TRERF1: variants seen among roughly 807,000 people sequenced by gnomAD.
The protein encoded by TRERF1 is transcriptional-regulating factor 1.
In TRERF1, 27 loss-of-function variants were observed where a neutral mutation model predicts 122.9. That is an observed-to-expected ratio of 0.22 (90% CI 0.16 to 0.30). The LOEUF (loss-of-function observed/expected upper bound fraction) is 0.30, where lower values mean the gene tolerates loss of function less well. TRERF1 is among the 10% of genes least tolerant of loss of function. TRERF1 has a pLI of 1.00. For missense variants in TRERF1, 1,248 were observed against 1,560.3 expected (o/e 0.80, Z 3.37); for synonymous variants, 636 against 641.7 (o/e 0.99, Z 0.13).
intron 2 of TRERF1, among the ~76,000 whole-genome samples, chr6:42,406,471 C>T (rs907762022): frequency 6.6e-6 from 1 of 152,178 alleles, no homozygotes; most frequent in East Asian, 1.9e-4. Flanking sequence ...CCAAGTCAGC[C>T]CAGAAAGGAG....
At chr6:42,303,517 T>C (rs1786585440) in intron 3 of TRERF1, among the ~76,000 whole-genome samples, 2 of 152,158 alleles carry the variant, frequency 1.3e-5, no homozygotes, top group Non-Finnish European at 2.9e-5. Context: ...GGATGGAGCA[T>C]GGCATACTCT....
intron 3 of TRERF1, among the ~76,000 whole-genome samples, chr6:42,329,801 C>T (rs1377084323): frequency 6.6e-6 from 1 of 151,842 alleles, no homozygotes; most frequent in African/African-American, 2.4e-5. Flanking sequence ...CCAGCCTAGC[C>T]AACATGGTGA....
chr6:42,344,588 T>C (rs1216883757), intron 3 of TRERF1, among the ~76,000 whole-genome samples: 5 of 152,152 alleles, frequency 3.3e-5, no homozygotes, highest in African/African-American at 1.2e-4. Flanking sequence ...GCCCGGGCCA[T>C]CTTTTCTACC....
At chr6:42,375,500 CAG>C (rs1283727607) in intron 2 of TRERF1, among the ~76,000 whole-genome samples, 1 of 152,234 alleles carries the variant, frequency 6.6e-6, no homozygotes, top group African/African-American at 2.4e-5. Context: ...CATGCCCTCA[CAG>C]GGCCAAACAC....
At chr6:42,357,131 C>T (rs926577304) in intron 3 of TRERF1, among the ~76,000 whole-genome samples, 6 of 151,538 alleles carry the variant, frequency 4.0e-5, no homozygotes, top group African/African-American at 1.5e-4. Flanking sequence ...GAGTTCGAGA[C>T]CAGCCTGACC....
chr6:42,229,538 A>G (rs780464345), intron 17 of TRERF1, among the ~76,000 whole-genome samples: 1 of 151,886 alleles, frequency 6.6e-6, no homozygotes, highest in Non-Finnish European at 1.5e-5. Flanking sequence ...CTCCCTGTCA[A>G]CCCAATTGCT....
intron 4 of TRERF1, among the ~76,000 whole-genome samples, chr6:42,272,699 T>C (rs1022047961): frequency 2.0e-5 from 3 of 152,008 alleles, no homozygotes; most frequent in Non-Finnish European, 2.9e-5. Context: ...AAGAGAAACA[T>C]TCCCTGTCTT....
At chr6:42,431,122 A>C (rs1784442241) in intron 2 of TRERF1, among the ~76,000 whole-genome samples, 1 of 152,088 alleles carries the variant, frequency 6.6e-6, no homozygotes, top group Non-Finnish European at 1.5e-5. Context: ...AGACAAGGGA[A>C]GAGTAATTTC....
Position 42,259,422 on chromosome 6 carries a change from A to G in TRERF1, c.2186T>C (p.Ile729Thr), listed in dbSNP as rs1777392427. ...GTGGGCGCCAGGGCCGTGGCCGGAGATGAGGACATTGCTGAAGAGCCCCGA... is the reference window on the plus strand; with the variant it reads ...GTGGGCGCCAGGGCCGTGGCCGGAGGTGAGGACATTGCTGAAGAGCCCCGA... The change falls in exon 9 of 18, where the codon ATC becomes ACC. Residue 729 changes from isoleucine to threonine, a missense_variant. Ile to Thr is a moderately conservative substitution (Grantham distance 89). Coordinates refer to ENST00000372922, the Ensembl canonical transcript of TRERF1. The surrounding 1 kb of genome is among the most constrained non-coding windows in gnomAD (Gnocchi z 4.9). The G allele has an allele frequency of 1.3e-6, 2 of 1,577,138 alleles. No homozygotes were observed. Among genetic ancestry groups the G allele is most frequent in the African/African-American group, 1.4e-5 (1 of 73,906 alleles).
At chr6:42,440,766 A>T (rs926057131) in intron 2 of TRERF1, among the ~76,000 whole-genome samples, 1 of 152,184 alleles carries the variant, frequency 6.6e-6, no homozygotes, top group Non-Finnish European at 1.5e-5. Flanking sequence ...GGGGTGAGGA[A>T]GGAGCCCACA....
intron 4 of TRERF1, among the ~76,000 whole-genome samples, chr6:42,272,059 A>G (rs1400189328): frequency 6.6e-6 from 1 of 152,236 alleles, no homozygotes; most frequent in African/African-American, 2.4e-5. Flanking sequence ...GTGATGTAAT[A>G]GTTTTGCTTA....
intron 4 of TRERF1, among the ~76,000 whole-genome samples, chr6:42,274,700 A>G (rs1780856676): frequency 6.6e-6 from 1 of 151,712 alleles, no homozygotes; most frequent in South Asian, 2.1e-4. Flanking sequence ...ATAAAAATAA[A>G]TTTTAAAAAA....
At chr6:42,265,564 T>C (rs999094100) in intron 6 of TRERF1, among the ~76,000 whole-genome samples, 187 bp downstream of exon 6, 5 of 152,184 alleles carry the variant, frequency 3.3e-5, no homozygotes, top group African/African-American at 9.6e-5. Flanking sequence ...CCCACCCTCA[T>C]AGGTTACTTT....
chr6:42,256,876 GT>G (rs1776845296), intron 11 of TRERF1, 45 bp from the exon 12 acceptor site: 1 of 1,612,772 alleles, frequency 6.2e-7, no homozygotes, highest in Admixed American at 1.7e-5. Flanking sequence ...AGAGCTGAGT[GT>G]AATGGAAAAC....
intron 2 of TRERF1, among the ~76,000 whole-genome samples, chr6:42,378,355 G>C (rs575302966): frequency 1.2e-3 from 181 of 150,282 alleles, no homozygotes; most frequent in Non-Finnish European, 1.9e-3. Context: ...TTGATCTTGT[G>C]ATTGCTTATA....
intron 2 of TRERF1, among the ~76,000 whole-genome samples, chr6:42,419,842 T>C (rs1156871963): frequency 6.6e-6 from 1 of 152,180 alleles, no homozygotes; most frequent in African/African-American, 2.4e-5. Flanking sequence ...GGAACAAGAA[T>C]TAACCTGTCC....
At chr6:42,299,043 C>T (rs1270517577) in intron 4 of TRERF1, among the ~76,000 whole-genome samples, 3 of 151,930 alleles carry the variant, frequency 2.0e-5, no homozygotes, top group Non-Finnish European at 4.4e-5. Flanking sequence ...GAGTTTGAAG[C>T]TAGCCTGGGC....
chr6:42,414,343 C>CA (rs1781534251), intron 2 of TRERF1, among the ~76,000 whole-genome samples: 1 of 152,166 alleles, frequency 6.6e-6, no homozygotes, highest in Admixed American at 6.5e-5. Flanking sequence ...CCCAAGAGGG[C>CA]ACCTCTGTTA....
At chr6:42,446,017 T>C (rs1017097156) in intron 2 of TRERF1, among the ~76,000 whole-genome samples, 2 of 152,206 alleles carry the variant, frequency 1.3e-5, no homozygotes, top group African/African-American at 4.8e-5. Context: ...TGGGCTCAAG[T>C]GATTCTCCTG....
Sources: gnomAD v4.1 joint callset for allele counts (sites outside exome capture counted in the v4.1 genomes callset) on GRCh38, gnomAD v4.1.1 for gene constraint, Gnocchi (gnomAD v3.1) non-coding constraint, MANE v1.5 for transcripts, NCBI Gene and HGNC (gene_info 2026-07-23, HGNC 2026-07-21) for gene names.